SOAT2: variants seen among roughly 807,000 people sequenced by gnomAD.
SOAT2 encodes the protein sterol O-acyltransferase 2, also known as ACAT-2.
Under a neutral mutation model 76.0 loss-of-function variants are expected in SOAT2, and 87 were observed. That is an observed-to-expected ratio of 1.14 (90% CI 0.96 to 1.37). SOAT2 has a LOEUF of 1.37. SOAT2 is among the 40% of genes most tolerant of loss of function. SOAT2 has a pLI of 0.00. For missense variants in SOAT2, 686 were observed against 682.1 expected (o/e 1.01, Z -0.06); for synonymous variants, 285 against 275.4 (o/e 1.03, Z -0.34).
chr12:53,120,023 T>C (rs185496944), intron 10 of SOAT2, among the ~76,000 whole-genome samples: 45 of 152,302 alleles, frequency 3.0e-4, no homozygotes, highest in African/African-American at 1.1e-3. Flanking sequence ...TAAATGTACA[T>C]GAACAAATGG....
Position 53,121,414 on chromosome 12 carries a change from C to A in SOAT2, c.1236+13C>A. 1.9e-6 allele frequency: 3 copies of A among 1,595,010 alleles called. No individual in the cohort carries two copies. Among genetic ancestry groups the A allele is most frequent in the African/African-American group, 1.3e-5 (1 of 74,600 alleles). ...GGATGGGCTGCGGGTATGGGCCCTG[C>A]AGACCCCTTCAGCTCTCACAGTTAA... On this transcript the variant is annotated intron_variant, in intron 12 of 14. Transcript: ENST00000301466.
At chr12:53,117,352 G>A (rs1420264076) in intron 7 of SOAT2, among the ~76,000 whole-genome samples, 3 of 144,714 alleles carry the variant, frequency 2.1e-5, no homozygotes, top group Non-Finnish European at 4.5e-5. Flanking sequence ...CAATCCTCCT[G>A]CCTTGGCCTC....
Position 53,103,543 on chromosome 12 carries a change from G to T in SOAT2, c.-35G>T, listed in dbSNP as rs1937871056. 6.5e-7 allele frequency: 1 copy of T among 1,536,114 alleles called. No homozygotes were observed. ...ACTGCGAAGGAAGGAGGCAACACGGGCAAGGGCTGCCTGCTGCCCGCTGGA... is the reference window on the plus strand; with the variant it reads ...ACTGCGAAGGAAGGAGGCAACACGGTCAAGGGCTGCCTGCTGCCCGCTGGA... On this transcript the variant is annotated 5_prime_UTR_variant, in exon 1 of 15. Transcript: ENST00000301466.
At chr12:53,109,430 T>C (rs1937981361) in intron 5 of SOAT2, among the ~76,000 whole-genome samples, 1 of 152,132 alleles carries the variant, frequency 6.6e-6, no homozygotes, top group Non-Finnish European at 1.5e-5. Flanking sequence ...ATAAGCCAAA[T>C]TTCACCTTTA....
chr12:53,107,531 G>A (rs1219453424), intron 5 of SOAT2, among the ~76,000 whole-genome samples: 1 of 150,094 alleles, frequency 6.7e-6, no homozygotes, highest in Non-Finnish European at 1.5e-5. Context: ...TTGGAGACCT[G>A]TAGCCAGAAA....
rs1304027808 is a variant in SOAT2 at position 53,115,551 on chromosome 12, C to T, written c.605C>T (p.Ala202Val). ...TWTQATGLGC[A>V]LLAAHAVVLC... ...ACGCAGGCGACGGGCCTGGGCTGTG[C>T]GCTGCTAGCCGCCCACGCCGTGGTG... Residue 202 changes from alanine to valine, a missense_variant, in exon 6 of 15, where the codon GCG becomes GTG. Ala to Val is a moderately conservative substitution (Grantham distance 64, BLOSUM62 0). Transcript: ENST00000301466. 3.8e-6 allele frequency: 6 copies of T among 1,594,676 alleles called. No homozygotes were observed. The highest frequency in any genetic ancestry group is 1.1e-5 in the South Asian group (1 of 90,418).
intron 5 of SOAT2, among the ~76,000 whole-genome samples, chr12:53,109,440 A>T (rs12580912): frequency 0.19 from 28,248 of 151,826 alleles, 3,317 homozygotes; most frequent in African/African-American, 0.35. Context: ...TTTCACCTTT[A>T]TATTAGTGTA....
chr12:53,110,239 T>C (rs1435171365), intron 5 of SOAT2, among the ~76,000 whole-genome samples: 1 of 152,248 alleles, frequency 6.6e-6, no homozygotes, highest in African/African-American at 2.4e-5. Flanking sequence ...TAGCAACCTT[T>C]ACTTTTGGTG....
chr12:53,105,167 G>T lies in SOAT2; in HGVS notation c.199G>T (p.Ala67Ser). The change falls in exon 3 of 15, where the codon GCC becomes TCC. Residue 67 changes from alanine (A) to serine (S), a missense_variant. Physicochemically the swap from Ala to Ser is moderately conservative, Grantham distance 99. Coordinates refer to ENST00000301466, the MANE Select transcript of SOAT2 (RefSeq NM_003578.4). ...QGQLRELLDR[A>S]MREAIQSYPS... Reference sequence around the variant, plus strand: ...ACAACTGAGGGAGCTGCTGGATCGGGCCATGCGGGAGGCTATACAATCCTA... The same window carrying T: ...ACAACTGAGGGAGCTGCTGGATCGGTCCATGCGGGAGGCTATACAATCCTA... 1 of 1,585,710 alleles carries T rather than the reference G, an allele frequency of 6.3e-7. No individual in the cohort carries two copies. The highest frequency in any genetic ancestry group is 8.6e-7 in the Non-Finnish European group (1 of 1,166,028).
intron 4 of SOAT2, 100 bp downstream of exon 4, chr12:53,105,720 G>C: frequency 2.5e-6 from 3 of 1,200,250 alleles, no homozygotes; most frequent in Non-Finnish European, 3.5e-6. Flanking sequence ...GTGGTTTGTG[G>C]AGAGGACTTG....
chr12:53,117,515 G>A (rs1162427320), intron 7 of SOAT2, among the ~76,000 whole-genome samples: 1 of 152,072 alleles, frequency 6.6e-6, no homozygotes, highest in Non-Finnish European at 1.5e-5. Flanking sequence ...GAATTTGTCA[G>A]TTAAGTTTGC....
chr12:53,107,953 C>T (rs1241541722), intron 5 of SOAT2, among the ~76,000 whole-genome samples: 1 of 144,652 alleles, frequency 6.9e-6, no homozygotes, highest in Non-Finnish European at 1.5e-5. Context: ...TTTCTCTCTC[C>T]AGTTTCCCAT....
At chr12:53,105,086 T>C in intron 2 of SOAT2, 21 bp from the exon 3 acceptor site, 1 of 1,552,306 alleles carries the variant, frequency 6.4e-7, no homozygotes, top group Non-Finnish European at 8.7e-7. Context: ...CAGTGGGCTC[T>C]ACCCTGGCTT....
At chr12:53,112,500 T>A (rs1266058660) in intron 5 of SOAT2, among the ~76,000 whole-genome samples, 2 of 141,590 alleles carry the variant, frequency 1.4e-5, no homozygotes, top group Non-Finnish European at 3.0e-5. Flanking sequence ...GAGCCAAGAT[T>A]GCACCATTGC....
At chr12:53,118,244 C>CCCCCCCATTT in intron 7 of SOAT2, 106 bp from the exon 8 acceptor site, 1 of 522,868 alleles carries the variant, frequency 1.9e-6, no homozygotes. Context: ...CACCCCCACC[C>CCCCCCCATTT]TATCCATTTC....
chr12:53,122,355 T>A (rs979181578), intron 12 of SOAT2, among the ~76,000 whole-genome samples: 15 of 150,640 alleles, frequency 1.0e-4, no homozygotes, highest in African/African-American at 2.7e-4. Context: ...TTTTTTTTTT[T>A]ATTGATCATT....
chr12:53,116,959 A>AC (rs1256897975), intron 7 of SOAT2, among the ~76,000 whole-genome samples: 193 of 139,006 alleles, frequency 1.4e-3, no homozygotes, highest in African/African-American at 4.9e-3. Flanking sequence ...CCAATTTCAA[A>AC]TTTTTTTTTT....
intron 6 of SOAT2, 33 bp from the exon 7 acceptor site, chr12:53,116,064 A>C: frequency 6.3e-7 from 1 of 1,598,824 alleles, no homozygotes; most frequent in South Asian, 1.1e-5. Flanking sequence ...AAAGCCACAC[A>C]GCAACTTTTC....
At position 53,118,370 on chromosome 12, in the gene SOAT2, AG is replaced by A. The variant is rs1565628429; in HGVS notation, c.800del (p.Ser267IlefsTer60). Reference protein sequence around the residue: ...ARRGEGIQAPSFSSYLYFLFC... With the variant: ...ARRGEGIQAPXFSSYLYFLFC... The stretch of plus-strand genomic sequence containing the variant: ...CCCAGGTGAGGGGATCCAGGCCCCC[AG>A]TTTCTCCAGCTACCTCTACTTCCTC... On this transcript the variant is annotated frameshift_variant, in exon 8 of 15. Transcript: ENST00000301466. LOFTEE classifies it high-confidence loss of function. The A allele has an allele frequency of 6.2e-7, 1 of 1,612,920 alleles. No individual in the cohort carries two copies. Among genetic ancestry groups the A allele is most frequent in the East Asian group, 2.2e-5 (1 of 44,832 alleles).
Sources: allele counts gnomAD v4.1 joint callset (sites outside exome capture counted in the v4.1 genomes callset), GRCh38; gene constraint gnomAD v4.1.1; transcripts MANE v1.5; gene names NCBI Gene and HGNC (gene_info 2026-07-23, HGNC 2026-07-21).